CADPS2: variants seen among roughly 807,000 people sequenced by gnomAD.
CADPS2 encodes calcium dependent secretion activator 2, also known as calcium-dependent secretion activator 2.
Under a neutral mutation model 172.5 loss-of-function variants are expected in CADPS2, and 93 were observed. The ratio of observed to expected loss-of-function variants is 0.54; its 90% CI spans 0.46 to 0.64. The LOEUF is 0.64. CADPS2 is among the 30% of genes least tolerant of loss of function. The pLI is 0.00. For synonymous variants in CADPS2, 546 were observed against 555.2 expected (o/e 0.98, Z 0.23); for missense variants, 1,420 against 1,565.9 (o/e 0.91, Z 1.57).
intron 6 of CADPS2, among the ~76,000 whole-genome samples, chr7:122,604,368 C>G (rs1038373051): frequency 2.0e-5 from 3 of 151,992 alleles, no homozygotes; most frequent in Non-Finnish European, 2.9e-5. Context: ...TGCTTGTGTC[C>G]CAACAGAAGA....
At chr7:122,702,995 C>A in intron 2 of CADPS2, 1 of 439,678 alleles carries the variant, frequency 2.3e-6, no homozygotes, top group African/African-American at 2.0e-5. Context: ...ATTATGACAT[C>A]CAAATGGGGA....
chr7:122,373,179 A>AT lies in CADPS2; in HGVS notation c.3387+6188dup, dbSNP rs950653623. 7.8e-3 allele frequency among the ~76,000 whole-genome samples: 1,171 copies of AT among 149,286 alleles called. 17 individuals carry two copies. The highest frequency in any genetic ancestry group is 0.025 in the African/African-American group (1,034 of 40,760). ...GTGTGAACAAACTGTCTTATAGGCT[A>AT]TTTTTTTTTTAATATCCTGAAGTTT... On this transcript the variant is annotated intron_variant, in intron 25 of 29. Transcript: ENST00000449022.
At chr7:122,654,591 G>A (rs1213770097) in intron 3 of CADPS2, among the ~76,000 whole-genome samples, 2 of 152,108 alleles carry the variant, frequency 1.3e-5, no homozygotes, top group African/African-American at 4.8e-5. Context: ...ACTGAATATT[G>A]AGACTTCTAA....
intron 1 of CADPS2, among the ~76,000 whole-genome samples, chr7:122,776,825 T>C (rs565665354): frequency 1.4e-4 from 22 of 152,286 alleles, no homozygotes; most frequent in African/African-American, 5.1e-4. Flanking sequence ...ACAAAGAGAC[T>C]GGTAGCACCT....
intron 1 of CADPS2, among the ~76,000 whole-genome samples, chr7:122,763,024 A>C (rs1403793255): frequency 6.9e-6 from 1 of 145,136 alleles, no homozygotes; most frequent in Non-Finnish European, 1.6e-5. Flanking sequence ...GTAGATGGAA[A>C]CACACACACA....
chr7:122,726,500 T>A (rs973209191), intron 2 of CADPS2, among the ~76,000 whole-genome samples: 1 of 151,866 alleles, frequency 6.6e-6, no homozygotes, highest in African/African-American at 2.4e-5. Flanking sequence ...GGTACACGTG[T>A]TTTCTCTCAA....
chr7:122,420,984 T>C (rs933949690), intron 17 of CADPS2: 3 of 152,244 alleles, frequency 2.0e-5, no homozygotes, highest in Admixed American at 1.3e-4. Context: ...TTCTACTCCA[T>C]GGCTTAGAAA....
chr7:122,820,716 C>T (rs1440307482), intron 1 of CADPS2, among the ~76,000 whole-genome samples: 3 of 133,972 alleles, frequency 2.2e-5, no homozygotes, highest in East Asian at 4.1e-4. Context: ...CCCGCTACCA[C>T]GCCCGGCTAA....
chr7:122,762,921 G>T (rs2093436129), intron 1 of CADPS2, among the ~76,000 whole-genome samples: 1 of 151,990 alleles, frequency 6.6e-6, no homozygotes, highest in African/African-American at 2.4e-5. Flanking sequence ...AAGATAGGAG[G>T]TCATTGGGAA....
At chr7:122,597,185 G>T (rs527446811) in intron 6 of CADPS2, among the ~76,000 whole-genome samples, 3 of 152,024 alleles carry the variant, frequency 2.0e-5, no homozygotes, top group African/African-American at 7.2e-5. Context: ...GGCTTGGGGG[G>T]TCAAATATCC....
At chr7:122,454,536 C>T (rs2053528523) in intron 14 of CADPS2, among the ~76,000 whole-genome samples, 2 of 152,130 alleles carry the variant, frequency 1.3e-5, no homozygotes, top group Non-Finnish European at 2.9e-5. Flanking sequence ...TTACATTAGA[C>T]ATTTTCTATC....
intron 20 of CADPS2, among the ~76,000 whole-genome samples, chr7:122,397,396 G>A (rs565277924): frequency 6.7e-6 from 1 of 148,262 alleles, no homozygotes; most frequent in Admixed American, 6.8e-5. Flanking sequence ...GAGAGAAAGG[G>A]GAAGGAGGGA....
At chr7:122,742,848 C>T (rs2092557792) in intron 1 of CADPS2, among the ~76,000 whole-genome samples, 1 of 152,124 alleles carries the variant, frequency 6.6e-6, no homozygotes, top group Non-Finnish European at 1.5e-5. Context: ...AACATAATAA[C>T]ATATTATCCA....
intron 29 of CADPS2, 113 bp downstream of exon 29, chr7:122,325,364 C>T: frequency 1.5e-6 from 1 of 655,258 alleles, no homozygotes; most frequent in Non-Finnish European, 2.7e-6. Flanking sequence ...CACATCATTG[C>T]TAATAAGTGA....
At chr7:122,645,921 G>C (rs2078501091) in intron 3 of CADPS2, among the ~76,000 whole-genome samples, 1 of 151,140 alleles carries the variant, frequency 6.6e-6, no homozygotes, top group African/African-American at 2.4e-5. Context: ...TGGAAAAAAG[G>C]AATGAGCTAT....
chr7:122,743,277 C>CACTTAGAT (rs2092578882), intron 1 of CADPS2, among the ~76,000 whole-genome samples: 1 of 152,168 alleles, frequency 6.6e-6, no homozygotes, highest in Non-Finnish European at 1.5e-5. Context: ...CCAGAAAAAA[C>CACTTAGAT]ACTTAGATTC....
At chr7:122,650,309 TAC>T (rs1377201916) in intron 3 of CADPS2, among the ~76,000 whole-genome samples, 1 of 152,068 alleles carries the variant, frequency 6.6e-6, no homozygotes, top group Non-Finnish European at 1.5e-5. Context: ...AAAATAAAGA[TAC>T]AGTTGCTTAT....
chr7:122,785,802 C>G (rs1406688259), intron 1 of CADPS2, among the ~76,000 whole-genome samples: 1 of 152,114 alleles, frequency 6.6e-6, no homozygotes, highest in Non-Finnish European at 1.5e-5. Context: ...ACACTATTCT[C>G]TCACTAGGGC....
At position 122,438,396 on chromosome 7, in the gene CADPS2, G is replaced by C. The variant is rs376933238; in HGVS notation, c.2421C>G (p.Leu807=). ...EEVKKVVRKC[L]EKAALINYTR... is the part of the protein sequence containing the mutation. ...TGTAATTGATCAAGGCAGCTTTCTCGAGACATTTTCTGACCACTTTCTTCA... is the reference window on the plus strand; with the variant it reads ...TGTAATTGATCAAGGCAGCTTTCTCCAGACATTTTCTGACCACTTTCTTCA... Residue 807 remains leucine, a synonymous_variant, in exon 17 of 30, where the codon CTC becomes CTG. Coordinates refer to ENST00000449022, the MANE Select transcript of CADPS2 (RefSeq NM_017954.11). The C allele has an allele frequency of 1.1e-5, 18 of 1,612,998 alleles. No individual in the cohort carries two copies. Among genetic ancestry groups the C allele is most frequent in the Middle Eastern group, 1.6e-4 (1 of 6,078 alleles).
Sources: allele counts gnomAD v4.1 joint callset (sites outside exome capture counted in the v4.1 genomes callset), GRCh38; gene constraint gnomAD v4.1.1; transcripts MANE v1.5; gene names NCBI Gene and HGNC (gene_info 2026-07-23, HGNC 2026-07-21).